OTUD7A: variants seen among roughly 807,000 people sequenced by gnomAD.
OTUD7A encodes OTU domain-containing protein 7A.
Under a neutral mutation model 65.7 loss-of-function variants are expected in OTUD7A, and 12 were observed. The observed-to-expected ratio is 0.18, with a 90% CI of 0.12 to 0.30. The LOEUF (loss-of-function observed/expected upper bound fraction) is 0.30, where lower values mean the gene tolerates loss of function less well. OTUD7A is among the 10% of genes least tolerant of loss of function. The pLI is 1.00. For missense variants in OTUD7A, 1,148 were observed against 1,304.8 expected, an observed-to-expected ratio of 0.88 and a Z score of 1.85; for synonymous variants, 641 against 586.3, an observed-to-expected ratio of 1.09 and a Z score of -1.35.
At chr15:31,786,328 T>C (rs1034129929) in intron 1 of OTUD7A, among the ~76,000 whole-genome samples, 11 of 152,228 alleles carry the variant, frequency 7.2e-5, no homozygotes, top group Non-Finnish European at 1.5e-4. Flanking sequence ...TTATAATAAA[T>C]GTTATTATCC....
intron 1 of OTUD7A, among the ~76,000 whole-genome samples, chr15:31,722,148 G>T (rs1354515946): frequency 6.6e-6 from 1 of 152,198 alleles, no homozygotes; most frequent in Non-Finnish European, 1.5e-5. Context: ...ACCATAGGGA[G>T]TGAAGGGCCC....
In OTUD7A at chr15:31,629,240, A is replaced by G. The variant is rs9744550; in HGVS notation, c.151+25856T>C. Reference sequence around the variant, plus strand: ...TATTGGCTGTGGGTTTGTCATAGATAGCTCTTAATATTTTGAGATATGTCC... The same window carrying G: ...TATTGGCTGTGGGTTTGTCATAGATGGCTCTTAATATTTTGAGATATGTCC... On this transcript the variant is annotated intron_variant, in intron 3 of 12. Coordinates refer to ENST00000307050, the MANE Select transcript of OTUD7A (RefSeq NM_001382637.1). 2.9e-3 allele frequency among the ~76,000 whole-genome samples: 436 copies of G among 152,266 alleles called. 5 individuals are homozygous for G. The highest frequency in any genetic ancestry group is 0.01 in the African/African-American group (420 of 41,540).
In OTUD7A at chr15:31,804,394, T is replaced by C. The variant is rs371843851; in HGVS notation, c.-100+66113A>G. 2.7e-4 allele frequency among the ~76,000 whole-genome samples: 41 copies of C among 152,216 alleles called. No homozygotes were observed. In the South Asian group the frequency reaches 7.7e-3, roughly 29 times the overall value. On this transcript the variant is annotated intron_variant, in intron 1 of 12. Coordinates refer to ENST00000307050, the MANE Select transcript of OTUD7A (RefSeq NM_001382637.1). ...CCAACTCCCTGAATTAGAATGTCCT[T>C]AAAGGGACCCAGGAACCTCTCCCTG...
intron 3 of OTUD7A, among the ~76,000 whole-genome samples, chr15:31,632,843 C>T (rs1410236399): frequency 6.6e-6 from 1 of 152,248 alleles, no homozygotes; most frequent in African/African-American, 2.4e-5. Flanking sequence ...CTCCCCCAGC[C>T]TCACTGCCAC....
At chr15:31,829,991 T>C (rs878272) in intron 1 of OTUD7A, among the ~76,000 whole-genome samples, 91,627 of 151,958 alleles carry the variant, frequency 0.6, 27,829 homozygotes, top group East Asian at 0.69. Context: ...GTCTGGGGCA[T>C]TCACCCTTCC....
intron 1 of OTUD7A, among the ~76,000 whole-genome samples, chr15:31,666,489 G>A (rs939637024): frequency 7.2e-5 from 11 of 151,934 alleles, no homozygotes; most frequent in South Asian, 2.1e-4. Context: ...AATATCTCCC[G>A]TTTGTTTCTT....
intron 5 of OTUD7A, among the ~76,000 whole-genome samples, chr15:31,555,669 C>A (rs950841284): frequency 3.3e-5 from 5 of 152,222 alleles, no homozygotes; most frequent in East Asian, 3.9e-4. Flanking sequence ...TGAGTCTGAG[C>A]ATAGCAGGGC....
chr15:31,756,069 C>A (rs1032190683), intron 1 of OTUD7A, among the ~76,000 whole-genome samples: 1 of 152,202 alleles, frequency 6.6e-6, no homozygotes, highest in African/African-American at 2.4e-5. Flanking sequence ...CCAGCTGCTG[C>A]CCCTTGCCCA....
At chr15:31,830,358 G>C (rs1216878875) in intron 1 of OTUD7A, among the ~76,000 whole-genome samples, 2 of 152,192 alleles carry the variant, frequency 1.3e-5, no homozygotes, top group Non-Finnish European at 2.9e-5. Flanking sequence ...CCAATGGAGA[G>C]AGAAAGGTCA....
chr15:31,869,296 A>AC (rs1293912491), intron 1 of OTUD7A, among the ~76,000 whole-genome samples: 10 of 152,192 alleles, frequency 6.6e-5, no homozygotes, highest in African/African-American at 2.4e-4. Flanking sequence ...TGCTGGGAGG[A>AC]CCCTAGTGAA....
chr15:31,806,643 A>G (rs528392926), intron 1 of OTUD7A, among the ~76,000 whole-genome samples: 9 of 152,226 alleles, frequency 5.9e-5, no homozygotes, highest in Non-Finnish European at 1.2e-4. Context: ...TCCTTCAGCC[A>G]CTGTCCCTCC....
At chr15:31,768,288 C>T in intron 1 of OTUD7A, 5 of 705,572 alleles carry the variant, frequency 7.1e-6, no homozygotes, top group Admixed American at 4.2e-5. Flanking sequence ...CTCGGCACAA[C>T]CATTGGCTCT....
chr15:31,510,175 C>T (rs1266546342), intron 8 of OTUD7A, among the ~76,000 whole-genome samples: 2 of 151,962 alleles, frequency 1.3e-5, no homozygotes, highest in African/African-American at 2.4e-5. Flanking sequence ...GGCCCCCGGC[C>T]GGCTGCAGTC....
At chr15:31,652,376 A>G (rs962986336) in intron 3 of OTUD7A, among the ~76,000 whole-genome samples, 13 of 152,250 alleles carry the variant, frequency 8.5e-5, no homozygotes, top group Non-Finnish European at 4.4e-5. Flanking sequence ...AAAACATGAA[A>G]GTATAAAACT....
At chr15:31,696,750 T>A (rs1262297248) in intron 1 of OTUD7A, among the ~76,000 whole-genome samples, 2 of 152,086 alleles carry the variant, frequency 1.3e-5, no homozygotes, top group Non-Finnish European at 2.9e-5. Context: ...GCAGCCTCTG[T>A]CACCCAGATG....
At chr15:31,531,791 A>G (rs1887633275) in intron 5 of OTUD7A, among the ~76,000 whole-genome samples, 1 of 152,188 alleles carries the variant, frequency 6.6e-6, no homozygotes, top group South Asian at 2.1e-4. Context: ...GGCTGAGTAC[A>G]AAGCCAAGAC....
intron 3 of OTUD7A, among the ~76,000 whole-genome samples, chr15:31,646,763 T>A (rs1476674501): frequency 6.6e-6 from 1 of 152,098 alleles, no homozygotes; most frequent in Non-Finnish European, 1.5e-5. Flanking sequence ...CTGGCCAAAG[T>A]GTTTAATTTT....
At chr15:31,595,403 T>G (rs775553141) in intron 3 of OTUD7A, among the ~76,000 whole-genome samples, 1 of 152,242 alleles carries the variant, frequency 6.6e-6, no homozygotes, top group African/African-American at 2.4e-5. Context: ...CAGGGTTTTA[T>G]TCTCTTTTAT....
intron 3 of OTUD7A, among the ~76,000 whole-genome samples, chr15:31,640,228 G>T (rs1891469958): frequency 6.6e-6 from 1 of 152,108 alleles, no homozygotes; most frequent in Non-Finnish European, 1.5e-5. Context: ...GCTAAGCTAT[G>T]AGGATGCAAA....
Sources: allele counts gnomAD v4.1 joint callset (sites outside exome capture counted in the v4.1 genomes callset), GRCh38; gene constraint gnomAD v4.1.1; transcripts MANE v1.5; gene names NCBI Gene and HGNC (gene_info 2026-07-23, HGNC 2026-07-21).